Variants in PIAS4 observed in about 807,000 individuals in gnomAD.
PIAS4 encodes E3 SUMO-protein ligase PIAS4.
Under a neutral mutation model 58.0 loss-of-function variants are expected in PIAS4, and 7 were observed. The ratio of observed to expected loss-of-function variants is 0.12; its 90% CI spans 0.07 to 0.23. The LOEUF (loss-of-function observed/expected upper bound fraction) is 0.23. PIAS4 is among the 10% of genes least tolerant of loss of function. The pLI is 1.00. For missense variants in PIAS4, 550 were observed against 709.5 expected, an observed-to-expected ratio of 0.78 and a Z score of 2.55; for synonymous variants, 364 against 312.4, an observed-to-expected ratio of 1.17 and a Z score of -1.74.
chr19:4,022,050 G>T (rs1034259185), intron 2 of PIAS4, among the ~76,000 whole-genome samples: 5 of 151,958 alleles, frequency 3.3e-5, no homozygotes, highest in African/African-American at 1.2e-4. Context: ...GCCCAATCTG[G>T]ACCTGCAGTT....
chr19:4,027,888 A>G (rs149772930), intron 3 of PIAS4, among the ~76,000 whole-genome samples: 21 of 152,116 alleles, frequency 1.4e-4, no homozygotes, highest in Non-Finnish European at 2.8e-4. Flanking sequence ...CTTCGCAGGG[A>G]GAGGCACCTG....
At chr19:4,026,290 G>A (rs1268180024) in intron 3 of PIAS4, among the ~76,000 whole-genome samples, 5 of 130,884 alleles carry the variant, frequency 3.8e-5, no homozygotes, top group African/African-American at 1.8e-4. Context: ...GCACCACCAC[G>A]CCTGGCTAAT....
chr19:4,027,073 C>T (rs973641984), intron 3 of PIAS4, among the ~76,000 whole-genome samples: 6 of 151,740 alleles, frequency 4.0e-5, no homozygotes, highest in African/African-American at 1.5e-4. Flanking sequence ...AGGAGGGTCT[C>T]GATCTCCTGA....
At chr19:4,010,838 C>T (rs980659620) in intron 1 of PIAS4, among the ~76,000 whole-genome samples, 1 of 152,226 alleles carries the variant, frequency 6.6e-6, no homozygotes, top group Non-Finnish European at 1.5e-5. Flanking sequence ...TCACGGGGCC[C>T]CGCAGCCCTG....
At chr19:4,012,848 C>T (rs1027895984) in intron 1 of PIAS4, 75 bp from the exon 2 acceptor site, 21 of 1,459,588 alleles carry the variant, frequency 1.4e-5, no homozygotes, top group East Asian at 9.1e-5. Flanking sequence ...GCCCCCACAT[C>T]GGGGCCTGGC....
At chr19:4,016,915 T>C (rs901486574) in intron 2 of PIAS4, among the ~76,000 whole-genome samples, 7 of 152,144 alleles carry the variant, frequency 4.6e-5, no homozygotes, top group African/African-American at 7.2e-5. Flanking sequence ...GCTACCCTGC[T>C]TGCCCCGAGG....
At chr19:4,017,483 C>T (rs1043329433) in intron 2 of PIAS4, among the ~76,000 whole-genome samples, 2 of 152,270 alleles carry the variant, frequency 1.3e-5, no homozygotes, top group Admixed American at 6.5e-5. Flanking sequence ...GACAGTGCCC[C>T]CTGTGTCCCT....
intron 3 of PIAS4, among the ~76,000 whole-genome samples, chr19:4,026,826 G>T (rs931753558): frequency 6.6e-6 from 1 of 152,060 alleles, no homozygotes; most frequent in Non-Finnish European, 1.5e-5. Context: ...AGGATTACAG[G>T]CGTGCACCAC....
intron 9 of PIAS4, among the ~76,000 whole-genome samples, chr19:4,035,870 C>CCACACCA (rs2040271728): frequency 2.5e-3 from 12 of 4,790 alleles, no homozygotes; most frequent in Non-Finnish European, 3.7e-3. Context: ...TCCACACCGT[C>CCACACCA]TCACACACAC....
At chr19:4,019,240 A>AG (rs961015630) in intron 2 of PIAS4, among the ~76,000 whole-genome samples, 14 of 152,144 alleles carry the variant, frequency 9.2e-5, no homozygotes, top group African/African-American at 3.4e-4. Flanking sequence ...TCCCCAGCAT[A>AG]GGGGGGCCGG....
rs536355271 is a variant in PIAS4, at chr19:4,037,295, T to A, written c.1143-79T>A. The A allele has an allele frequency of 6.1e-6, 9 of 1,474,954 alleles. 1 individual carries two copies. In the East Asian group the frequency reaches 2.2e-4, roughly 35 times the overall value. 91.4% of individuals were successfully genotyped at this position (1,474,954 alleles called of 1,614,324 possible). On this transcript the variant is annotated intron_variant, in intron 9 of 10. Coordinates refer to ENST00000262971, the MANE Select transcript of PIAS4 (RefSeq NM_015897.4). This position sits in a 1 kb window ranked among gnomAD's most constrained non-coding sequence, Gnocchi z 5.8. Reference sequence around the variant, plus strand: ...GAGAAGTGGGGAGTGCCTGGCTGCATCCGGGAGGGATGGAGGGCTGGGGAG... The same window carrying A: ...GAGAAGTGGGGAGTGCCTGGCTGCAACCGGGAGGGATGGAGGGCTGGGGAG...
chr19:4,037,908 A>G lies in PIAS4; in HGVS notation c.*33A>G. Reference sequence around the variant, plus strand: ...CGCACACTCGACTTTCCTGGTGCTCACCACGCAGAGGGGCACGGGCCAGCC... The same window carrying G: ...CGCACACTCGACTTTCCTGGTGCTCGCCACGCAGAGGGGCACGGGCCAGCC... On this transcript the variant is annotated 3_prime_UTR_variant, in exon 11 of 11. Coordinates refer to ENST00000262971, the MANE Select transcript of PIAS4 (RefSeq NM_015897.4). This position sits in a 1 kb window ranked among gnomAD's most constrained non-coding sequence, Gnocchi z 5.8. The G allele has an allele frequency of 6.4e-7, 1 of 1,562,776 alleles. No individual in the cohort carries two copies. The highest frequency in any genetic ancestry group is 1.2e-5 in the South Asian group (1 of 86,108).
At chr19:4,034,851 C>T (rs571195651) in intron 9 of PIAS4, among the ~76,000 whole-genome samples, 4 of 152,306 alleles carry the variant, frequency 2.6e-5, no homozygotes, top group South Asian at 2.1e-4. Flanking sequence ...TACTTTGTTC[C>T]ATGAGCCCTA....
chr19:4,007,866 TTCTGTCCGGGGCCCCACAGCGCGGC>T, intron 1 of PIAS4, 79 bp downstream of exon 1: 1 of 1,098,996 alleles, frequency 9.1e-7, no homozygotes. Context: ...GGTCTGCGCC[TTCTGTCCGGGGCCCCACAGCGCGGC>T]CGGCCCGCGG....
At chr19:4,035,693 AAGC>A (rs1224751484) in intron 9 of PIAS4, among the ~76,000 whole-genome samples, 5 of 136,424 alleles carry the variant, frequency 3.7e-5, no homozygotes, top group African/African-American at 1.3e-4. Flanking sequence ...TGCAATGTGA[AAGC>A]AGGTGTGCGT....
At chr19:4,033,381 CAGG>C (rs1439801461) in intron 8 of PIAS4, 36 bp from the exon 9 acceptor site, 3 of 1,532,510 alleles carry the variant, frequency 2.0e-6, no homozygotes, top group East Asian at 2.5e-5. Flanking sequence ...GCGGGCACAA[CAGG>C]AGGGGTGCCC....
chr19:4,033,370 G>A, intron 8 of PIAS4, 50 bp from the exon 9 acceptor site: 3 of 1,515,182 alleles, frequency 2.0e-6, no homozygotes, highest in Non-Finnish European at 2.7e-6. Flanking sequence ...GCACCGGGCA[G>A]GCGGGCACAA....
rs781459752 is a variant in PIAS4 at position 4,013,379 on chromosome 19, T to C, written c.454+30T>C. On this transcript the variant is annotated intron_variant, in intron 2 of 10. Transcript: ENST00000262971. The surrounding 1 kb of genome is among the most constrained non-coding windows in gnomAD (Gnocchi z 5.1). Reference sequence around the variant, plus strand: ...GTGGTCACCCTGGGGAGGCTGCGACTGGAGGCTTCACCTAGGCCCCGTCGC... The same window carrying C: ...GTGGTCACCCTGGGGAGGCTGCGACCGGAGGCTTCACCTAGGCCCCGTCGC... 2.5e-6 allele frequency: 4 copies of C among 1,583,676 alleles called. No individual in the cohort carries two copies. The East Asian group carries it at 9.0e-5, about 36-fold the overall frequency.
At chr19:4,018,133 C>T (rs909688599) in intron 2 of PIAS4, among the ~76,000 whole-genome samples, 1 of 152,254 alleles carries the variant, frequency 6.6e-6, no homozygotes, top group African/African-American at 2.4e-5. Flanking sequence ...TTTAAAAACT[C>T]CCTGTGTTTC....
Sources: allele counts gnomAD v4.1 joint callset (sites outside exome capture counted in the v4.1 genomes callset), GRCh38; gene constraint gnomAD v4.1.1; non-coding constraint Gnocchi (gnomAD v3.1); transcripts MANE v1.5; gene names NCBI Gene and HGNC (gene_info 2026-07-23, HGNC 2026-07-21).